Variants in KYNU observed in about 807,000 individuals in gnomAD.
KYNU encodes kynureninase.
KYNU carries 54 observed loss-of-function variants against 59.2 expected under a neutral mutation model. The observed-to-expected ratio is 0.91, with a 90% CI of 0.73 to 1.14. The LOEUF (loss-of-function observed/expected upper bound fraction) is 1.14, where lower values mean the gene tolerates loss of function less well. Among genes scored for constraint, KYNU ranks in the 50% most tolerant of loss-of-function variants. KYNU has a pLI of 0.00. For synonymous variants in KYNU, 177 were observed against 192.0 expected, an observed-to-expected ratio of 0.92 and a Z score of 0.65; for missense variants, 567 against 554.4, an observed-to-expected ratio of 1.02 and a Z score of -0.23.
intron 11 of KYNU, among the ~76,000 whole-genome samples, chr2:143,032,094 T>C (rs547820803): frequency 1.3e-5 from 2 of 151,718 alleles, no homozygotes; most frequent in Non-Finnish European, 1.5e-5. Context: ...TGGCTAACAC[T>C]GTGAAACCCC....
At chr2:142,934,102 G>T (rs960624105) in intron 4 of KYNU, among the ~76,000 whole-genome samples, 2 of 152,218 alleles carry the variant, frequency 1.3e-5, no homozygotes, top group African/African-American at 4.8e-5. Flanking sequence ...CTTTTTGACA[G>T]GTAGAACTGG....
chr2:142,992,446 T>A (rs1443267260), intron 10 of KYNU, among the ~76,000 whole-genome samples: 1 of 151,858 alleles, frequency 6.6e-6, no homozygotes, highest in African/African-American at 2.4e-5. Flanking sequence ...ATAATTTTAA[T>A]CTATATTTCT....
rs1044320844 is a variant in KYNU, at chr2:143,052,374, A to T, written c.*10202A>T. ...GCTGCAGACATTTACATAAGTAACAAGAAGCTGAATGTTAATCACTAAGAC... is the reference window on the plus strand; with the variant it reads ...GCTGCAGACATTTACATAAGTAACATGAAGCTGAATGTTAATCACTAAGAC... On this transcript the variant is annotated 3_prime_UTR_variant, in exon 14 of 14. Coordinates refer to ENST00000264170, the MANE Select transcript of KYNU (RefSeq NM_003937.3). The T allele has an allele frequency of 2.0e-5, 3 of 152,260 alleles. No homozygotes were observed. Among genetic ancestry groups the T allele is most frequent in the African/African-American group, 7.2e-5 (3 of 41,464 alleles). 9.4% of individuals were successfully genotyped at this position (152,260 alleles called of 1,614,324 possible).
intron 10 of KYNU, among the ~76,000 whole-genome samples, chr2:143,010,094 C>T (rs1558973520): frequency 7.0e-6 from 1 of 143,848 alleles, no homozygotes; most frequent in South Asian, 2.3e-4. Context: ...TAAAGGGTAC[C>T]CAATTAGGAA....
intron 8 of KYNU, among the ~76,000 whole-genome samples, chr2:142,978,165 C>A (rs892775300): frequency 6.6e-6 from 1 of 152,094 alleles, no homozygotes; most frequent in Non-Finnish European, 1.5e-5. Context: ...GTTAACTAGC[C>A]AACCTATTAT....
chr2:142,973,451 C>G (rs1009095761), intron 8 of KYNU, among the ~76,000 whole-genome samples: 2 of 152,174 alleles, frequency 1.3e-5, no homozygotes, highest in Admixed American at 6.6e-5. Flanking sequence ...CTGGCCCCTC[C>G]ATACCCCTTT....
At chr2:142,948,759 T>G (rs1400530524) in intron 4 of KYNU, among the ~76,000 whole-genome samples, 1 of 152,170 alleles carries the variant, frequency 6.6e-6, no homozygotes, top group African/African-American at 2.4e-5. Context: ...AACCATATCA[T>G]TCCACCTTTG....
chr2:142,933,096 C>T (rs1157299738), intron 4 of KYNU, among the ~76,000 whole-genome samples: 1 of 152,136 alleles, frequency 6.6e-6, no homozygotes, highest in African/African-American at 2.4e-5. Flanking sequence ...GTTGAATAAA[C>T]TGTTAGGTTG....
At position 143,049,132 on chromosome 2, in the gene KYNU, G is replaced by T. The variant is rs1200863082; in HGVS notation, c.*6960G>T. ...TCCTTTTTAAAATAAAAGGGTATAT[G>T]TTAGAATTTTTCACTCTCTCCTTTA... On this transcript the variant is annotated 3_prime_UTR_variant, in exon 14 of 14. Transcript: ENST00000264170. 6.6e-6 allele frequency: 1 copy of T among 152,016 alleles called. No homozygotes were observed. Among genetic ancestry groups the T allele is most frequent in the Non-Finnish European group, 1.5e-5 (1 of 67,998 alleles). 9.4% of individuals were successfully genotyped at this position (152,016 alleles called of 1,614,324 possible).
chr2:142,945,956 C>A (rs1683763232), intron 4 of KYNU, among the ~76,000 whole-genome samples: 1 of 151,636 alleles, frequency 6.6e-6, no homozygotes. Flanking sequence ...CAGGCTGGTC[C>A]CGAACTCCTG....
rs1194402478 is a variant in KYNU at position 143,048,112 on chromosome 2, T to A, written c.*5940T>A. The stretch of plus-strand genomic sequence containing the variant: ...CGCCCACTTTGACCTTCCAAAATGC[T>A]GGGATTACGTGTGAGCCACCAAACC... On this transcript the variant is annotated 3_prime_UTR_variant, in exon 14 of 14. Transcript: ENST00000264170. The A allele has an allele frequency of 6.6e-6, 1 of 152,194 alleles. No homozygotes were observed. The highest frequency in any genetic ancestry group is 1.5e-5 in the Non-Finnish European group (1 of 68,040). 9.4% of individuals were successfully genotyped at this position (152,194 alleles called of 1,614,324 possible). A position where few individuals can be genotyped will look rare whatever the true frequency, so the allele number is the denominator to read the frequency against.
chr2:143,001,474 A>G (rs891306158), intron 10 of KYNU, among the ~76,000 whole-genome samples: 3 of 152,236 alleles, frequency 2.0e-5, no homozygotes, highest in African/African-American at 7.2e-5. Flanking sequence ...CAATAGATAT[A>G]GAGCCCTTAG....
intron 10 of KYNU, among the ~76,000 whole-genome samples, chr2:143,000,313 C>G (rs1252813797): frequency 6.6e-6 from 1 of 152,140 alleles, no homozygotes; most frequent in African/African-American, 2.4e-5. Flanking sequence ...CCATGTTTTA[C>G]AGAAAATTGT....
At chr2:143,035,853 A>C (rs955526580) in intron 12 of KYNU, among the ~76,000 whole-genome samples, 1 of 151,938 alleles carries the variant, frequency 6.6e-6, no homozygotes, top group Non-Finnish European at 1.5e-5. Flanking sequence ...GCTCACTGCA[A>C]CCTCTGCCTC....
chr2:142,969,936 G>C (rs577144661), intron 8 of KYNU, among the ~76,000 whole-genome samples: 2 of 152,274 alleles, frequency 1.3e-5, no homozygotes, highest in African/African-American at 4.8e-5. Context: ...ACCAAGGAAG[G>C]CAGATTTAAG....
At chr2:142,947,936 T>G (rs1217402837) in intron 4 of KYNU, 1 of 152,238 alleles carries the variant, frequency 6.6e-6, no homozygotes, top group East Asian at 1.9e-4. Context: ...AAGTTTCTTG[T>G]ATCATTGGGT....
chr2:142,879,392 G>C lies in KYNU; in HGVS notation c.-20+1656G>C, dbSNP rs535151054. The C allele has an allele frequency of 2.0e-5, 3 of 152,308 alleles. No individual in the cohort carries two copies. In the East Asian group the frequency reaches 5.8e-4, roughly 29 times the overall value. The allele number at this position is 152,308 out of a possible 1,614,324, so 9.4% of individuals were successfully genotyped here. The stretch of plus-strand genomic sequence containing the variant: ...AACCAGCCACTTTAACTTTTGCCTG[G>C]CTGAAACTGGACTGGGAAGGATGGA... On this transcript the variant is annotated intron_variant, in intron 1 of 13. Coordinates refer to ENST00000264170, the MANE Select transcript of KYNU (RefSeq NM_003937.3).
intron 2 of KYNU, among the ~76,000 whole-genome samples, chr2:142,898,682 T>C (rs1367593000): frequency 6.6e-6 from 1 of 152,210 alleles, no homozygotes; most frequent in African/African-American, 2.4e-5. Context: ...CTGACGCTCT[T>C]ACCTGTGGGT....
intron 2 of KYNU, among the ~76,000 whole-genome samples, chr2:142,917,936 A>C (rs1422289478): frequency 6.6e-6 from 1 of 152,230 alleles, no homozygotes; most frequent in African/African-American, 2.4e-5. Context: ...AGTAGTTTAC[A>C]AATGTGATTG....
Sources: gnomAD v4.1 joint callset for allele counts (sites outside exome capture counted in the v4.1 genomes callset) on GRCh38, gnomAD v4.1.1 for gene constraint, MANE v1.5 for transcripts, NCBI Gene and HGNC (gene_info 2026-07-23, HGNC 2026-07-21) for gene names.